The following GALNT17 variants were observed in gnomAD, a reference collection of about 807,000 sequenced individuals.
GALNT17 encodes polypeptide N-acetylgalactosaminyltransferase 17, also known as UDP-GalNAc:polypeptide N-acetylgalactosaminyltransferase-like 3.
GALNT17 carries 29 observed loss-of-function variants against 63.7 expected under a neutral mutation model. The ratio of observed to expected loss-of-function variants is 0.46; its 90% CI spans 0.34 to 0.62. The LOEUF is 0.62. Among genes scored for constraint, GALNT17 ranks in the 20% least tolerant of loss-of-function variants. GALNT17 has a pLI of 0.01. For missense variants in GALNT17, 603 were observed against 799.6 expected, an observed-to-expected ratio of 0.75 and a Z score of 2.97; for synonymous variants, 305 against 318.3, an observed-to-expected ratio of 0.96 and a Z score of 0.45.
rs867533214 is a variant in GALNT17, at chr7:71,295,045, G to A, written c.239-40505G>A. 2.5e-4 allele frequency among the ~76,000 whole-genome samples: 38 copies of A among 152,156 alleles called. 1 individual carries two copies. The highest frequency in any genetic ancestry group is 2.1e-3 in the South Asian group (10 of 4,820). ...TTGAGTCAAATGAATATTTCCACCT[G>A]TACACCCTTAACTCAGTGTTCTTAA... On this transcript the variant is annotated intron_variant, in intron 1 of 10. Coordinates refer to ENST00000333538, the MANE Select transcript of GALNT17 (RefSeq NM_022479.3).
intron 1 of GALNT17, among the ~76,000 whole-genome samples, chr7:71,280,139 T>C (rs1790754288): frequency 6.6e-6 from 1 of 151,244 alleles, no homozygotes; most frequent in Non-Finnish European, 1.5e-5. Flanking sequence ...AGAGAGGGAG[T>C]ATTGGAGGGA....
At chr7:71,328,588 T>G (rs1791744828) in intron 1 of GALNT17, among the ~76,000 whole-genome samples, 1 of 152,080 alleles carries the variant, frequency 6.6e-6, no homozygotes, top group East Asian at 1.9e-4. Context: ...ACTTGAACTC[T>G]TATTTATCTT....
chr7:71,530,328 G>A (rs965811110), intron 5 of GALNT17, among the ~76,000 whole-genome samples: 6 of 151,920 alleles, frequency 3.9e-5, no homozygotes, highest in Non-Finnish European at 8.8e-5. Context: ...TCTGTGCAAC[G>A]CAACAACACA....
rs1036024210 is a variant in GALNT17, at chr7:71,302,212, G to T, written c.239-33338G>T. ...GGGCCTGTTGGGAGAGGGCAGGGGT[G>T]GGGAGAGCATCAGGGAAAATAGCTA... is the stretch of plus-strand genomic sequence containing the variant. On this transcript the variant is annotated intron_variant, in intron 1 of 10. Coordinates refer to ENST00000333538, the MANE Select transcript of GALNT17 (RefSeq NM_022479.3). Among the ~76,000 whole-genome samples, 3 of 152,150 alleles carry T rather than the reference G, an allele frequency of 2.0e-5. No homozygotes were observed. In the East Asian group the frequency reaches 5.8e-4, roughly 29 times the overall value.
Position 71,688,454 on chromosome 7 carries a change from G to A in GALNT17, c.1500+11148G>A, listed in dbSNP as rs576807663. 1.4e-3 allele frequency among the ~76,000 whole-genome samples: 216 copies of A among 152,102 alleles called. 2 individuals are homozygous for A. Among genetic ancestry groups the A allele is most frequent in the African/African-American group, 4.8e-3 (198 of 41,504 alleles). On this transcript the variant is annotated intron_variant, in intron 9 of 10. Transcript: ENST00000333538. ...CTTTCTGCTTGCTGAGATTTTCCCC[G>A]AGGCTTTGGGGGACCCAGGCCTCTT...
At position 71,387,682 on chromosome 7, in the gene GALNT17, A is replaced by G. The variant is rs186012225; in HGVS notation, c.423-553A>G. 2.5e-3 allele frequency among the ~76,000 whole-genome samples: 387 copies of G among 152,242 alleles called. 3 individuals are homozygous for G. Among genetic ancestry groups the G allele is most frequent in the Middle Eastern group, 0.02 (6 of 294 alleles). On this transcript the variant is annotated intron_variant, in intron 2 of 10. Coordinates refer to ENST00000333538, the MANE Select transcript of GALNT17 (RefSeq NM_022479.3). ...GTGGAGTAATCGCTTAGGCATCAGCAAAGAAGGTTTCAGGCAAGGAAATGG... is the reference window on the plus strand; with the variant it reads ...GTGGAGTAATCGCTTAGGCATCAGCGAAGAAGGTTTCAGGCAAGGAAATGG...
At chr7:71,316,843 G>GCAGGA (rs1212454286) in intron 1 of GALNT17, among the ~76,000 whole-genome samples, 1 of 152,192 alleles carries the variant, frequency 6.6e-6, no homozygotes, top group Non-Finnish European at 1.5e-5. Flanking sequence ...CTCTTAGGAT[G>GCAGGA]TACATGTTCT....
intron 3 of GALNT17, among the ~76,000 whole-genome samples, chr7:71,412,506 G>T (rs1793447771): frequency 6.6e-6 from 1 of 152,128 alleles, no homozygotes; most frequent in Non-Finnish European, 1.5e-5. Context: ...CTGAGAGGCT[G>T]GGATTACATA....
intron 1 of GALNT17, among the ~76,000 whole-genome samples, chr7:71,156,419 T>G (rs1357194702): frequency 6.6e-6 from 1 of 151,730 alleles, no homozygotes; most frequent in Non-Finnish European, 1.5e-5. Context: ...ATATACACAT[T>G]TTTCTTTTCA....
intron 5 of GALNT17, among the ~76,000 whole-genome samples, chr7:71,447,113 T>G (rs1168016346): frequency 6.6e-6 from 1 of 152,178 alleles, no homozygotes; most frequent in Non-Finnish European, 1.5e-5. Flanking sequence ...TTCAATTCAA[T>G]TATGACACTG....
At chr7:71,346,732 G>A (rs1456372124) in intron 2 of GALNT17, among the ~76,000 whole-genome samples, 2 of 120,936 alleles carry the variant, frequency 1.7e-5, no homozygotes, top group Non-Finnish European at 1.6e-5. Flanking sequence ...GTTTATCTAG[G>A]GAATCTTGCC....
chr7:71,304,296 G>A (rs78788677), intron 1 of GALNT17, among the ~76,000 whole-genome samples: 2,179 of 152,302 alleles, frequency 0.014, 27 homozygotes, highest in Middle Eastern at 0.027. Context: ...TTCGACAGAC[G>A]CTAAGTTAAC....
rs138530440 is a variant in GALNT17, at chr7:71,501,603, C to G, written c.963-69682C>G. Among the ~76,000 whole-genome samples the G allele has an allele frequency of 9.1e-3, 1,391 of 152,226 alleles. 51 individuals are homozygous for G. Among genetic ancestry groups the G allele is most frequent in the Admixed American group, 0.06 (912 of 15,280 alleles). ...TTTTGTTGTATACAAATGGCAGGAT[C>G]TCAACCCTAGATGGGTCTTCTCTGG... On this transcript the variant is annotated intron_variant, in intron 5 of 10. Transcript: ENST00000333538.
chr7:71,445,220 C>T (rs1787140504), intron 5 of GALNT17, among the ~76,000 whole-genome samples: 1 of 149,492 alleles, frequency 6.7e-6, no homozygotes, highest in Admixed American at 6.7e-5. Context: ...ACTCCGTCAC[C>T]CAGGCTGGAG....
At chr7:71,215,233 G>C (rs1486205797) in intron 1 of GALNT17, among the ~76,000 whole-genome samples, 1 of 152,078 alleles carries the variant, frequency 6.6e-6, no homozygotes, top group Non-Finnish European at 1.5e-5. Context: ...TCCCCTTGCT[G>C]GCTCCTAGGG....
chr7:71,372,008 TCTCA>T (rs1391936103), intron 2 of GALNT17, among the ~76,000 whole-genome samples: 2 of 152,184 alleles, frequency 1.3e-5, no homozygotes, highest in East Asian at 3.9e-4. Context: ...TGTGACAGGG[TCTCA>T]CTCTGTCACC....
chr7:71,406,713 C>G (rs529352913), intron 3 of GALNT17, among the ~76,000 whole-genome samples: 1 of 149,224 alleles, frequency 6.7e-6, no homozygotes, highest in Non-Finnish European at 1.5e-5. Context: ...AAGGTATTCT[C>G]AGGCGCACCT....
chr7:71,453,951 A>C (rs542005315), intron 5 of GALNT17, among the ~76,000 whole-genome samples: 2 of 152,216 alleles, frequency 1.3e-5, no homozygotes, highest in East Asian at 3.9e-4. Flanking sequence ...AGCTTTTCTC[A>C]CTGTGTTCTG....
At chr7:71,614,618 C>CA (rs933581303) in intron 6 of GALNT17, among the ~76,000 whole-genome samples, 1 of 138,942 alleles carries the variant, frequency 7.2e-6, no homozygotes, top group Non-Finnish European at 1.5e-5. Flanking sequence ...GACCTTTTCT[C>CA]AAAAAAAGAA....
Sources: allele counts gnomAD v4.1 joint callset (sites outside exome capture counted in the v4.1 genomes callset), GRCh38; gene constraint gnomAD v4.1.1; transcripts MANE v1.5; gene names NCBI Gene and HGNC (gene_info 2026-07-23, HGNC 2026-07-21).